Variants in DLGAP2 observed in about 807,000 individuals in gnomAD.
DLGAP2 encodes disks large-associated protein 2.
Under a neutral mutation model 100.3 loss-of-function variants are expected in DLGAP2, and 26 were observed. That is an observed-to-expected ratio of 0.26 (90% CI 0.19 to 0.36). The LOEUF is 0.36. Ranked by LOEUF, DLGAP2 falls within the 10% of genes least tolerant of loss-of-function variation. The pLI is 1.00. For synonymous variants in DLGAP2, 886 were observed against 630.1 expected (o/e 1.41, Z -6.08); for missense variants, 1,858 against 1,453.2 (o/e 1.28, Z -4.53).
intron 2 of DLGAP2, among the ~76,000 whole-genome samples, chr8:1,052,777 A>T (rs1802758811): frequency 6.6e-6 from 1 of 152,130 alleles, no homozygotes; most frequent in Admixed American, 6.5e-5. Context: ...CTTGTTTTTA[A>T]CATATAAGAG....
chr8:1,212,894 C>G (rs2116791511), intron 2 of DLGAP2, among the ~76,000 whole-genome samples: 1 of 152,036 alleles, frequency 6.6e-6, no homozygotes, highest in South Asian at 2.1e-4. Context: ...TTATACAACT[C>G]TTCATTTATA....
intron 3 of DLGAP2, among the ~76,000 whole-genome samples, chr8:1,269,011 G>C (rs558096447): frequency 2.0e-5 from 3 of 152,300 alleles, no homozygotes; most frequent in Admixed American, 6.5e-5. Context: ...GAATCTTGGA[G>C]GGAGACCAGA....
intron 6 of DLGAP2, among the ~76,000 whole-genome samples, chr8:1,623,579 A>ACACCAGTGTGCGATGACCTGG: frequency 7.4e-6 from 1 of 135,064 alleles, no homozygotes; most frequent in Non-Finnish European, 1.6e-5. Context: ...TGATGACCTG[A>ACACCAGTGTGCGATGACCTGG]CACCAGTGTG....
intron 3 of DLGAP2, among the ~76,000 whole-genome samples, chr8:1,270,934 G>A (rs1022495694): frequency 6.6e-6 from 1 of 152,104 alleles, no homozygotes; most frequent in African/African-American, 2.4e-5. Flanking sequence ...CCGTTGACCT[G>A]CTACTTAGTA....
At chr8:1,297,719 A>T (rs1161514591) in intron 3 of DLGAP2, among the ~76,000 whole-genome samples, 42 of 122,208 alleles carry the variant, frequency 3.4e-4, no homozygotes, top group African/African-American at 1.4e-3. Flanking sequence ...GGGAGGAGAA[A>T]CGTGGCAGGC....
At chr8:1,660,411 AT>A (rs1798382671) in intron 8 of DLGAP2, among the ~76,000 whole-genome samples, 1 of 152,252 alleles carries the variant, frequency 6.6e-6, no homozygotes, top group South Asian at 2.1e-4. Flanking sequence ...GAGGGATTAT[AT>A]TATATGCATA....
At chr8:1,043,195 TGGTGG>T (rs1802414906) in intron 2 of DLGAP2, among the ~76,000 whole-genome samples, 1 of 109,062 alleles carries the variant, frequency 9.2e-6, no homozygotes. Flanking sequence ...TGGGTGTTGG[TGGTGG>T]ATGCGGGTGG....
intron 2 of DLGAP2, among the ~76,000 whole-genome samples, chr8:1,214,724 C>G (rs979322063): frequency 1.1e-4 from 17 of 152,250 alleles, no homozygotes; most frequent in Non-Finnish European, 1.9e-4. Flanking sequence ...CGCACAGACA[C>G]AGCAGGTGTG....
At chr8:1,566,091 A>G (rs909392083) in intron 6 of DLGAP2, among the ~76,000 whole-genome samples, 197 bp downstream of exon 6, 7 of 152,254 alleles carry the variant, frequency 4.6e-5, no homozygotes, top group Non-Finnish European at 5.9e-5. Flanking sequence ...TATCAATTAC[A>G]TAATAATTAA....
intron 3 of DLGAP2, among the ~76,000 whole-genome samples, chr8:1,415,576 TC>T (rs1292490719): frequency 2.0e-5 from 3 of 152,144 alleles, no homozygotes; most frequent in African/African-American, 7.2e-5. Flanking sequence ...GGCTTTCTGT[TC>T]CTGTGGTAAT....
chr8:1,609,650 G>A (rs1031130988), intron 6 of DLGAP2, among the ~76,000 whole-genome samples: 7 of 115,266 alleles, frequency 6.1e-5, no homozygotes, highest in East Asian at 7.2e-4. Context: ...CCCATCTCAC[G>A]TGCAGAGACA....
At chr8:816,599 G>A (rs141526103) in intron 1 of DLGAP2, among the ~76,000 whole-genome samples, 10 of 152,236 alleles carry the variant, frequency 6.6e-5, no homozygotes, top group Admixed American at 5.9e-4. Flanking sequence ...CTGTTAATCT[G>A]ATAGGTTTTC....
At chr8:960,415 A>G (rs529177985) in intron 2 of DLGAP2, among the ~76,000 whole-genome samples, 3 of 151,382 alleles carry the variant, frequency 2.0e-5, no homozygotes, top group East Asian at 3.9e-4. Flanking sequence ...TATTTTTAGT[A>G]GAGACGGAGT....
intron 4 of DLGAP2, among the ~76,000 whole-genome samples, chr8:1,523,103 C>T (rs902991423): frequency 6.6e-6 from 1 of 152,184 alleles, no homozygotes; most frequent in Non-Finnish European, 1.5e-5. Context: ...TGCGGCATCT[C>T]CTGGGACCTG....
intron 6 of DLGAP2, among the ~76,000 whole-genome samples, chr8:1,572,746 G>A (rs1206920674): frequency 4.3e-4 from 36 of 83,572 alleles, no homozygotes; most frequent in South Asian, 1.2e-3. Flanking sequence ...CTGTGGGGGC[G>A]TCTGATGAGA....
intron 3 of DLGAP2, among the ~76,000 whole-genome samples, chr8:1,267,820 G>T (rs973308703): frequency 2.0e-5 from 3 of 151,890 alleles, no homozygotes; most frequent in Non-Finnish European, 4.4e-5. Flanking sequence ...CTCAGTGCTG[G>T]TTCTATGGGA....
intron 3 of DLGAP2, among the ~76,000 whole-genome samples, chr8:1,432,935 G>A (rs1201416940): frequency 6.6e-6 from 1 of 152,162 alleles, no homozygotes; most frequent in Non-Finnish European, 1.5e-5. Context: ...GAGGCGCGGA[G>A]TTGCATGGAA....
intron 1 of DLGAP2, among the ~76,000 whole-genome samples, chr8:791,461 A>C (rs111327139): frequency 6.6e-6 from 1 of 152,202 alleles, no homozygotes; most frequent in South Asian, 2.1e-4. Flanking sequence ...ATTTCTTTTC[A>C]CCCTTCAAAT....
chr8:978,730 A>C (rs1049243618), intron 2 of DLGAP2, among the ~76,000 whole-genome samples: 6 of 152,104 alleles, frequency 3.9e-5, no homozygotes, highest in Non-Finnish European at 8.8e-5. Context: ...CCACGCGGGC[A>C]TGTGTATATC....
Sources: gnomAD v4.1 joint callset for allele counts (sites outside exome capture counted in the v4.1 genomes callset) on GRCh38, gnomAD v4.1.1 for gene constraint, MANE v1.5 for transcripts, NCBI Gene and HGNC (gene_info 2026-07-23, HGNC 2026-07-21) for gene names.